Variants in KCNT1 observed in about 807,000 individuals in gnomAD.
KCNT1 encodes potassium channel subfamily T member 1.
KCNT1 carries 78 observed loss-of-function variants against 147.8 expected under a neutral mutation model. The ratio of observed to expected loss-of-function variants is 0.53; its 90% CI spans 0.44 to 0.64. The LOEUF (loss-of-function observed/expected upper bound fraction) is 0.64, where lower values mean the gene tolerates loss of function less well. KCNT1 is among the 30% of genes least tolerant of loss of function. The pLI, the probability that KCNT1 is intolerant of heterozygous loss-of-function variation, is 0.00. For synonymous variants in KCNT1, 867 were observed against 748.8 expected, an observed-to-expected ratio of 1.16 and a Z score of -2.58; for missense variants, 1,419 against 1,750.3, an observed-to-expected ratio of 0.81 and a Z score of 3.38.
rs147605218 is a variant in KCNT1, at chr9:135,751,567, C to T, written c.434+526C>T. Among the ~76,000 whole-genome samples the T allele has an allele frequency of 3.1e-4, 47 of 152,304 alleles. 1 individual carries two copies. The East Asian group carries it at 6.9e-3, about 23-fold the overall frequency. On this transcript the variant is annotated intron_variant, in intron 4 of 30. Coordinates refer to ENST00000371757, the MANE Select transcript of KCNT1 (RefSeq NM_020822.3). Reference sequence around the variant, plus strand: ...TGCACCGTCAGGTCCTTACCAGCCTCGCAGCAGCCGCGATGAGGGTGGGTG... The same window carrying T: ...TGCACCGTCAGGTCCTTACCAGCCTTGCAGCAGCCGCGATGAGGGTGGGTG...
intron 20 of KCNT1, 49 bp from the exon 21 acceptor site, chr9:135,777,289 C>T: frequency 6.3e-7 from 1 of 1,578,682 alleles, no homozygotes; most frequent in Non-Finnish European, 8.6e-7. Flanking sequence ...CAGTGGCCAG[C>T]AGGAACCACA....
In KCNT1 at chr9:135,757,170, G is replaced by A. The variant is rs1458784426; in HGVS notation, c.615G>A (p.Glu205=). The A allele has an allele frequency of 3.7e-6, 6 of 1,608,786 alleles. 1 individual carries two copies. The Admixed American group carries it at 5.0e-5, about 13-fold the overall frequency. Reference sequence around the variant, plus strand: ...TTTGGCCCCAGGGCAACATCTGGGAGCAGATCTTCCGCGTGTCCTTCGTCC... The same window carrying A: ...TTTGGCCCCAGGGCAACATCTGGGAACAGATCTTCCGCGTGTCCTTCGTCC... ...IYLSYKGNIW[E]QIFRVSFVLE... Residue 205 remains glutamate (E), a synonymous_variant, in exon 8 of 31, where the codon GAG becomes GAA. Transcript: ENST00000371757.
chr9:135,721,183 T>C (rs1281883317), intron 2 of KCNT1, among the ~76,000 whole-genome samples: 1 of 151,936 alleles, frequency 6.6e-6, no homozygotes. Context: ...CGGCCTGAGC[T>C]GCTGGGCCAG....
At position 135,777,400 on chromosome 9, in the gene KCNT1, C is replaced by T. The variant is rs559452456; in HGVS notation, c.2412C>T (p.Ile804=). ...KAYGFKNKLI[I]VSAETAGNGL... The stretch of plus-strand genomic sequence containing the variant: ...ACGGGTTCAAGAACAAGCTGATCAT[C>T]GTCTCGGCAGAGACGGCCGGCAATG... Residue 804 remains isoleucine, a synonymous_variant, in exon 21 of 31, where the codon ATC becomes ATT. Coordinates refer to ENST00000371757, the MANE Select transcript of KCNT1 (RefSeq NM_020822.3). The T allele has an allele frequency of 9.9e-6, 16 of 1,614,094 alleles. No homozygotes were observed. Among genetic ancestry groups the T allele is most frequent in the Admixed American group, 5.0e-5 (3 of 60,026 alleles).
intron 20 of KCNT1, among the ~76,000 whole-genome samples, chr9:135,776,521 C>A (rs992289004): frequency 1.3e-5 from 2 of 152,184 alleles, no homozygotes; most frequent in African/African-American, 4.8e-5. Context: ...CCCACCTCGG[C>A]CTCCCAAAGT....
chr9:135,745,263 T>A (rs973051512), intron 2 of KCNT1, among the ~76,000 whole-genome samples: 1 of 152,160 alleles, frequency 6.6e-6, no homozygotes, highest in Non-Finnish European at 1.5e-5. Flanking sequence ...CCTAGCCCTG[T>A]GGGCGGCTCC....
rs941569803 is a variant in KCNT1, at chr9:135,714,094, G to A, written c.111-483G>A. Reference sequence around the variant, plus strand: ...CTCAACAGCCTGAGGGTCTGAGACGGGGGTCTCTGGGGCTGGACCCTGAAG... The same window carrying A: ...CTCAACAGCCTGAGGGTCTGAGACGAGGGTCTCTGGGGCTGGACCCTGAAG... On this transcript the variant is annotated intron_variant, in intron 1 of 30. Coordinates refer to ENST00000371757, the MANE Select transcript of KCNT1 (RefSeq NM_020822.3). The surrounding 1 kb of genome is among the most constrained non-coding windows in gnomAD (Gnocchi z 6.2). Among the ~76,000 whole-genome samples, 2 of 152,072 alleles carry A rather than the reference G, an allele frequency of 1.3e-5. No individual in the cohort carries two copies. Among genetic ancestry groups the A allele is most frequent in the Non-Finnish European group, 2.9e-5 (2 of 67,984 alleles).
chr9:135,767,562 C>G (rs571643142), intron 13 of KCNT1, among the ~76,000 whole-genome samples: 10 of 152,194 alleles, frequency 6.6e-5, no homozygotes, highest in African/African-American at 2.4e-4. Context: ...CAGATTCCCC[C>G]CTCCCTCCTG....
At chr9:135,773,038 C>G in intron 19 of KCNT1, 89 bp downstream of exon 19, 1 of 922,726 alleles carries the variant, frequency 1.1e-6, no homozygotes, top group Non-Finnish European at 1.5e-6. Flanking sequence ...TTGGTGGTCC[C>G]CCATGCTCTG....
intron 11 of KCNT1, among the ~76,000 whole-genome samples, chr9:135,762,195 G>C (rs1831960003): frequency 1.3e-5 from 2 of 152,226 alleles, no homozygotes; most frequent in South Asian, 4.1e-4. Flanking sequence ...TGTAACCCCA[G>C]TACTTTGAAA....
chr9:135,721,384 A>G (rs144506197), intron 2 of KCNT1, among the ~76,000 whole-genome samples: 233 of 152,304 alleles, frequency 1.5e-3, no homozygotes, highest in Non-Finnish European at 2.9e-3. Context: ...GGGAGGGGCC[A>G]GGTGGGATCC....
intron 11 of KCNT1, among the ~76,000 whole-genome samples, chr9:135,761,478 T>G (rs1831908344): frequency 6.6e-6 from 1 of 152,232 alleles, no homozygotes; most frequent in Non-Finnish European, 1.5e-5. Context: ...ACTGCCTCCC[T>G]CCTCGGCCCT....
chr9:135,721,767 G>A (rs1835934421), intron 2 of KCNT1, among the ~76,000 whole-genome samples: 1 of 152,218 alleles, frequency 6.6e-6, no homozygotes, highest in African/African-American at 2.4e-5. Flanking sequence ...TCCAGCTCAG[G>A]GTCGGTTTGC....
At chr9:135,786,567 C>T in intron 29 of KCNT1, 46 bp downstream of exon 29, 1 of 1,498,504 alleles carries the variant, frequency 6.7e-7, no homozygotes, top group East Asian at 2.5e-5. Flanking sequence ...CGGACTGGGC[C>T]AGGGTCGGGC....
intron 1 of KCNT1, among the ~76,000 whole-genome samples, chr9:135,703,693 T>A (rs1835127888): frequency 6.6e-6 from 1 of 152,142 alleles, no homozygotes; most frequent in Non-Finnish European, 1.5e-5. Flanking sequence ...ACCATCTCCC[T>A]CCCCAGCCTA....
At chr9:135,751,873 C>G (rs1406484996) in intron 4 of KCNT1, among the ~76,000 whole-genome samples, 1 of 152,212 alleles carries the variant, frequency 6.6e-6, no homozygotes. Context: ...CCTCTCCTGC[C>G]TCGTTCCCTT....
At chr9:135,755,712 G>A (rs751079308) in intron 6 of KCNT1, among the ~76,000 whole-genome samples, 1 of 151,108 alleles carries the variant, frequency 6.6e-6, no homozygotes, top group Non-Finnish European at 1.5e-5. Flanking sequence ...ACCAGGCCCA[G>A]TGAATGCTGA....
intron 2 of KCNT1, among the ~76,000 whole-genome samples, chr9:135,731,987 TATATAGAGAGAG>T (rs1450382984): frequency 1.9e-3 from 41 of 21,818 alleles, no homozygotes; most frequent in African/African-American, 5.5e-3. Flanking sequence ...TATATATATA[TATATAGAGAGAG>T]AGAGAGAGAG....
At chr9:135,718,275 G>T (rs887847396) in intron 2 of KCNT1, among the ~76,000 whole-genome samples, 1 of 152,262 alleles carries the variant, frequency 6.6e-6, no homozygotes, top group Non-Finnish European at 1.5e-5. Flanking sequence ...CACAGGAGCC[G>T]TGTGAGGTGG....
Sources: gnomAD v4.1 joint callset for allele counts (sites outside exome capture counted in the v4.1 genomes callset) on GRCh38, gnomAD v4.1.1 for gene constraint, Gnocchi (gnomAD v3.1) non-coding constraint, MANE v1.5 for transcripts, NCBI Gene and HGNC (gene_info 2026-07-23, HGNC 2026-07-21) for gene names.